The following TUB variants were observed in gnomAD, a reference collection of about 807,000 sequenced individuals.
TUB encodes the protein tubby protein homolog.
A neutral mutation model predicts 59.7 loss-of-function variants in TUB; 33 were observed. That is an observed-to-expected ratio of 0.55 (90% confidence interval 0.42 to 0.74). The LOEUF is 0.74. Among genes scored for constraint, TUB ranks in the 30% least tolerant of loss-of-function variants. The probability of loss-of-function intolerance (pLI) is 0.00; values close to 1 mark genes in which losing one functional copy is unlikely to be tolerated. For synonymous variants in TUB, 293 were observed against 256.4 expected, an observed-to-expected ratio of 1.14 and a Z score of -1.36; for missense variants, 659 against 672.0, an observed-to-expected ratio of 0.98 and a Z score of 0.21.
intron 1 of TUB, among the ~76,000 whole-genome samples, chr11:8,027,281 C>T (rs1942512803): frequency 6.6e-6 from 1 of 152,146 alleles, no homozygotes; most frequent in Admixed American, 6.5e-5. Flanking sequence ...AATTCATCAC[C>T]ATCCTGGCCC....
intron 1 of TUB, among the ~76,000 whole-genome samples, chr11:8,089,146 C>T (rs1386414853): frequency 2.0e-5 from 3 of 152,154 alleles, no homozygotes; most frequent in South Asian, 2.1e-4. Flanking sequence ...AGGGTCTGCC[C>T]CAGAGGACGC....
chr11:8,081,368 G>A lies in TUB; in HGVS notation c.-143G>A. The A allele has an allele frequency of 1.0e-6, 1 of 990,162 alleles. No individual in the cohort carries two copies. The highest frequency in any genetic ancestry group is 1.2e-6 in the Non-Finnish European group (1 of 833,816). 61.3% of individuals were successfully genotyped at this position (990,162 alleles called of 1,614,324 possible). ...GAGCCAGCAGCCGGGGCCCTGGCGTGCAGCGCGGGCCTCGGCGGGGCCCAG... is the reference window on the plus strand; with the variant it reads ...GAGCCAGCAGCCGGGGCCCTGGCGTACAGCGCGGGCCTCGGCGGGGCCCAG... On this transcript the variant is annotated 5_prime_UTR_variant, in exon 1 of 12. Transcript: ENST00000299506.
At chr11:8,079,276 G>A (rs1943501205), upstream of TUB, among the ~76,000 whole-genome samples, 2 of 152,136 alleles carry the variant, frequency 1.3e-5, no homozygotes, top group Admixed American at 1.3e-4. Context: ...TGGCCTGGAG[G>A]GCGCGGCCTC....
intron 8 of TUB, among the ~76,000 whole-genome samples, chr11:8,098,258 G>A (rs984225953): frequency 1.3e-5 from 2 of 152,134 alleles, no homozygotes; most frequent in African/African-American, 4.8e-5. Flanking sequence ...GCCTCCAGGT[G>A]GGGGCAGTGG....
At chr11:8,062,390 G>A (rs141654434) in intron 2 of TUB, among the ~76,000 whole-genome samples, 33 of 152,196 alleles carry the variant, frequency 2.2e-4, no homozygotes, top group Non-Finnish European at 4.6e-4. Flanking sequence ...CACATGCTTG[G>A]GCTGAGGCGG....
In TUB at chr11:8,100,964, G is replaced by C; in HGVS notation, c.1354G>C (p.Val452Leu). The part of the protein sequence containing the change: ...NFHGRVTQAS[V>L]KNFQIIHGND... ...CCATGGGCGCGTCACACAGGCCTCC[G>C]TGAAGAACTTCCAGATCATCCATGG... is the stretch of plus-strand genomic sequence containing the variant. Residue 452 changes from valine to leucine, a missense_variant, in exon 11 of 12, where the codon GTG becomes CTG. Val to Leu is a conservative substitution (Grantham distance 32, BLOSUM62 1). This residue lies in a region of TUB where 226 missense variants were observed against 210.8 expected (regional missense o/e 1.07). Coordinates refer to ENST00000299506, the MANE Select transcript of TUB (RefSeq NM_177972.3). 6.2e-7 allele frequency: 1 copy of C among 1,614,146 alleles called. No individual in the cohort carries two copies. The highest frequency in any genetic ancestry group is 8.5e-7 in the Non-Finnish European group (1 of 1,180,024).
intron 9 of TUB, among the ~76,000 whole-genome samples, chr11:8,099,973 G>A (rs1397703316): frequency 6.6e-6 from 1 of 152,202 alleles, no homozygotes; most frequent in Admixed American, 6.5e-5. Flanking sequence ...GGAGTGAGCT[G>A]GAGAGCCACT....
chr11:8,082,588 G>C (rs1943590142), intron 1 of TUB, among the ~76,000 whole-genome samples: 1 of 152,214 alleles, frequency 6.6e-6, no homozygotes, highest in South Asian at 2.1e-4. Flanking sequence ...CCAGGTGCAC[G>C]TGCTAGCGGA....
chr11:8,049,978 G>A (rs573501081), intron 2 of TUB, among the ~76,000 whole-genome samples: 7 of 152,182 alleles, frequency 4.6e-5, no homozygotes, highest in East Asian at 1.9e-4. Context: ...AGAAGCCCAC[G>A]TTGAGCCCTT....
chr11:8,044,410 C>T (rs1302901624), intron 2 of TUB, among the ~76,000 whole-genome samples: 4 of 152,076 alleles, frequency 2.6e-5, no homozygotes, highest in Admixed American at 6.5e-5. Context: ...TATTTCATTT[C>T]TCTCCTCATC....
At chr11:8,078,712 C>A (rs2133807891), upstream of TUB, among the ~76,000 whole-genome samples, 1 of 152,214 alleles carries the variant, frequency 6.6e-6, no homozygotes, top group South Asian at 2.1e-4. Context: ...CCATCTCTCA[C>A]ACACATACAC....
At chr11:8,077,826 G>A (rs956779813), upstream of TUB, 3 of 152,234 alleles carry the variant, frequency 2.0e-5, no homozygotes, top group African/African-American at 7.2e-5. Flanking sequence ...CTCCCTGAGA[G>A]CAGCCATGCA....
At chr11:8,095,773 A>T in intron 5 of TUB, 108 bp downstream of exon 5, 1 of 1,238,812 alleles carries the variant, frequency 8.1e-7, no homozygotes, top group Admixed American at 2.4e-5. Flanking sequence ...CTCCCTGGCA[A>T]TGGTGGGTGA....
chr11:8,050,854 G>A (rs1247895789), intron 2 of TUB, among the ~76,000 whole-genome samples: 1 of 151,980 alleles, frequency 6.6e-6, no homozygotes, highest in Non-Finnish European at 1.5e-5. Context: ...ACTTTTACTG[G>A]TTCCACAATA....
rs949533511 is a variant in TUB at position 8,019,405 on chromosome 11, G to C, written c.56+47G>C. 4.6e-5 allele frequency: 56 copies of C among 1,230,174 alleles called. 1 individual carries two copies. The highest frequency in any genetic ancestry group is 5.4e-4 in the Middle Eastern group (2 of 3,720). 76.2% of individuals were successfully genotyped at this position (1,230,174 alleles called of 1,614,324 possible). A position where few individuals can be genotyped will look rare whatever the true frequency, so the allele number is the denominator to read the frequency against. ...CCTGCGTGAGCGCCTGCTGACCCTC[G>C]ATCTCCTGCGGGAGAAGCGGGCCTC... is the stretch of plus-strand genomic sequence containing the variant. On this transcript the variant is annotated intron_variant, in intron 1 of 11. Transcript: ENST00000534099.
chr11:8,072,361 G>A (rs1210038530), intron 2 of TUB, among the ~76,000 whole-genome samples: 2 of 152,020 alleles, frequency 1.3e-5, no homozygotes, highest in Non-Finnish European at 2.9e-5. Context: ...AGCAGTGGTG[G>A]GACCACCTGT....
chr11:8,064,899 G>A (rs1371062842), intron 2 of TUB, among the ~76,000 whole-genome samples: 1 of 152,204 alleles, frequency 6.6e-6, no homozygotes, highest in African/African-American at 2.4e-5. Context: ...CCGCAAACTT[G>A]GGAACAAATA....
At position 8,096,826 on chromosome 11, in the gene TUB, T is replaced by A; in HGVS notation, c.687+20T>A. On this transcript the variant is annotated intron_variant, in intron 6 of 11. Transcript: ENST00000299506. ...GTCAGGGTGAGTGAGTGAGTCTGCATCCACAGCAGTTTTTGGAGGACTGCT... is the reference window on the plus strand; with the variant it reads ...GTCAGGGTGAGTGAGTGAGTCTGCAACCACAGCAGTTTTTGGAGGACTGCT... The A allele has an allele frequency of 3.1e-6, 5 of 1,613,950 alleles. No individual in the cohort carries two copies. The highest frequency in any genetic ancestry group is 3.4e-6 in the Non-Finnish European group (4 of 1,179,872).
In TUB at chr11:8,088,525, C is replaced by T. The variant is rs1319798506; in HGVS notation, c.39-1085C>T. Reference sequence around the variant, plus strand: ...ACACACATGAGATATTCACACACTTCCTTATGGCCTCACACAAACCTAATG... The same window carrying T: ...ACACACATGAGATATTCACACACTTTCTTATGGCCTCACACAAACCTAATG... On this transcript the variant is annotated intron_variant, in intron 1 of 11. Transcript: ENST00000299506. Among the ~76,000 whole-genome samples, 4 of 152,222 alleles carry T rather than the reference C, an allele frequency of 2.6e-5. No individual in the cohort carries two copies. The East Asian group carries it at 7.7e-4, about 29-fold the overall frequency.
Sources: gnomAD v4.1 joint callset for allele counts (sites outside exome capture counted in the v4.1 genomes callset) on GRCh38, gnomAD v4.1.1 for gene constraint, gnomAD v4.1.1 regional missense constraint, MANE v1.5 for transcripts, NCBI Gene and HGNC (gene_info 2026-07-23, HGNC 2026-07-21) for gene names.